The following NR2E1 variants were observed in gnomAD, a reference collection of about 807,000 sequenced individuals.
NR2E1 encodes nuclear receptor TLX.
NR2E1 carries 5 observed loss-of-function variants against 43.6 expected under a neutral mutation model. The ratio of observed to expected loss-of-function variants is 0.11; its 90% CI spans 0.06 to 0.24. The LOEUF is 0.24. NR2E1 is among the 10% of genes least tolerant of loss of function. The pLI is 1.00. For synonymous variants in NR2E1, 191 were observed against 195.5 expected (o/e 0.98, Z 0.19); for missense variants, 287 against 496.7 (o/e 0.58, Z 4.01).
At chr6:108,171,127 C>T (rs938341138) in intron 1 of NR2E1, among the ~76,000 whole-genome samples, 7 of 152,112 alleles carry the variant, frequency 4.6e-5, no homozygotes, top group African/African-American at 1.7e-4. Flanking sequence ...GCCAAACTTT[C>T]CGCGGAGCAG....
chr6:108,167,569 G>A (rs1048528074), intron 1 of NR2E1, among the ~76,000 whole-genome samples: 1 of 152,086 alleles, frequency 6.6e-6, no homozygotes, highest in Non-Finnish European at 1.5e-5. Context: ...CTTGCACCCT[G>A]CCTGCGGAAC....
rs887514136 is a variant in NR2E1 at position 108,188,720 on chromosome 6, C to G, written c.*1257C>G. On this transcript the variant is annotated 3_prime_UTR_variant, in exon 9 of 9. Coordinates refer to ENST00000368986, the MANE Select transcript of NR2E1 (RefSeq NM_003269.5). ...CTATCATAGGATGAGTAAAACTTTT[C>G]TTGTACAAAGTGAATTAACTGATTT... 1 of 152,152 alleles carries G rather than the reference C, an allele frequency of 6.6e-6. No homozygotes were observed. The highest frequency in any genetic ancestry group is 6.5e-5 in the Admixed American group (1 of 15,278). The allele number at this position is 152,152 out of a possible 1,614,324, so 9.4% of individuals were successfully genotyped here. A position where few individuals can be genotyped will look rare whatever the true frequency, so the allele number is the denominator to read the frequency against.
intron 4 of NR2E1, among the ~76,000 whole-genome samples, chr6:108,177,160 G>A (rs1773913451): frequency 6.6e-6 from 1 of 152,216 alleles, no homozygotes; most frequent in Non-Finnish European, 1.5e-5. Context: ...ATTGGCTACA[G>A]CTGGAGGAAG....
At chr6:108,181,132 G>T (rs562327688) in intron 7 of NR2E1, among the ~76,000 whole-genome samples, 176 bp downstream of exon 7, 3 of 152,170 alleles carry the variant, frequency 2.0e-5, no homozygotes, top group South Asian at 4.2e-4. Flanking sequence ...GTTCTGCTGG[G>T]CATCAACTTC....
chr6:108,176,147 C>T (rs1016815089), intron 3 of NR2E1: 7 of 284,670 alleles, frequency 2.5e-5, no homozygotes, highest in Non-Finnish European at 4.7e-5. Flanking sequence ...GGCGAGGATA[C>T]CTGGCTACTC....
At position 108,188,521 on chromosome 6, in the gene NR2E1, ACAC is replaced by A. The variant is rs1562408820; in HGVS notation, c.*1059_*1061del. The A allele has an allele frequency of 6.6e-6, 1 of 151,694 alleles. No homozygotes were observed. Among genetic ancestry groups the A allele is most frequent in the African/African-American group, 2.4e-5 (1 of 41,108 alleles). 9.4% of individuals were successfully genotyped at this position (151,694 alleles called of 1,614,324 possible). Reference sequence around the variant, plus strand: ...TGAATGAACACACACACACACACACACACACACACACACACACACACACACACA... The same window carrying A: ...TGAATGAACACACACACACACACACAACACACACACACACACACACACACA... On this transcript the variant is annotated 3_prime_UTR_variant, in exon 9 of 9. Coordinates refer to ENST00000368986, the MANE Select transcript of NR2E1 (RefSeq NM_003269.5).
In NR2E1 at chr6:108,166,076, C is replaced by T. The variant is rs1486014696; in HGVS notation, c.-690C>T. On this transcript the variant is annotated 5_prime_UTR_variant, in exon 1 of 9. Coordinates refer to ENST00000368986, the MANE Select transcript of NR2E1 (RefSeq NM_003269.5). The surrounding 1 kb of genome is among the most constrained non-coding windows in gnomAD (Gnocchi z 7.2). ...CGCTTCTGGAGATATTACAGGGGAC[C>T]CAGCCCGCAGCGACAGGCACAAAGT... The T allele has an allele frequency of 1.3e-5, 2 of 152,730 alleles. No homozygotes were observed. The highest frequency in any genetic ancestry group is 2.9e-5 in the Non-Finnish European group (2 of 68,088). The allele number at this position is 152,730 out of a possible 1,614,324, so 9.5% of individuals were successfully genotyped here.
At chr6:108,179,983 C>A (rs1040288143) in intron 5 of NR2E1, among the ~76,000 whole-genome samples, 1 of 152,008 alleles carries the variant, frequency 6.6e-6, no homozygotes, top group Non-Finnish European at 1.5e-5. Flanking sequence ...GAGGGGAATC[C>A]ACCTGCTGAG....
intron 1 of NR2E1, among the ~76,000 whole-genome samples, chr6:108,170,898 C>T (rs1397017477): frequency 6.6e-6 from 1 of 152,206 alleles, no homozygotes; most frequent in Non-Finnish European, 1.5e-5. Context: ...TACCACTACC[C>T]TTATTATCAT....
chr6:108,177,879 G>T (rs1038166410), intron 4 of NR2E1, among the ~76,000 whole-genome samples: 7 of 152,222 alleles, frequency 4.6e-5, no homozygotes, highest in Non-Finnish European at 8.8e-5. Context: ...CTCCCAAAGA[G>T]TGGAAATGGA....
chr6:108,168,037 C>T, intron 1 of NR2E1: 1 of 1,597,962 alleles, frequency 6.3e-7, no homozygotes, highest in Non-Finnish European at 8.5e-7. Context: ...ATGTTTCGAG[C>T]TGGGGCAGAG....
intron 8 of NR2E1, among the ~76,000 whole-genome samples, chr6:108,186,515 A>G: frequency 6.6e-6 from 1 of 152,106 alleles, no homozygotes; most frequent in East Asian, 1.9e-4. Flanking sequence ...TTCAGGTTTT[A>G]GGTGTTTCAT....
chr6:108,174,258 G>A (rs564385361), intron 2 of NR2E1, among the ~76,000 whole-genome samples: 1 of 152,312 alleles, frequency 6.6e-6, no homozygotes, highest in African/African-American at 2.4e-5. Context: ...TGAGGTAATA[G>A]GAGAGTGAAG....
intron 3 of NR2E1, 111 bp from the exon 4 acceptor site, chr6:108,176,392 C>A: frequency 3.0e-6 from 3 of 1,009,732 alleles, no homozygotes; most frequent in Non-Finnish European, 4.5e-6. Context: ...ACCTCTTGGG[C>A]GATTTTGCCC....
At chr6:108,181,484 C>T (rs985129769) in intron 7 of NR2E1, 62 bp from the exon 8 acceptor site, 21 of 1,384,328 alleles carry the variant, frequency 1.5e-5, no homozygotes, top group Non-Finnish European at 2.1e-5. Context: ...GTGAGCACTG[C>T]GCTCGGCTCC....
chr6:108,177,215 C>T (rs1285515766), intron 4 of NR2E1, among the ~76,000 whole-genome samples: 1 of 152,216 alleles, frequency 6.6e-6, no homozygotes, highest in Non-Finnish European at 1.5e-5. Flanking sequence ...TTGGGCAAAG[C>T]CATGAGTTTC....
chr6:108,183,345 T>TAAA (rs779267108), intron 8 of NR2E1, among the ~76,000 whole-genome samples: 1 of 138,898 alleles, frequency 7.2e-6, no homozygotes, highest in African/African-American at 2.6e-5. Flanking sequence ...CACCAAAAAT[T>TAAA]TAAAAAAAAA....
chr6:108,168,109 G>T (rs1335859027), intron 1 of NR2E1: 1 of 1,604,910 alleles, frequency 6.2e-7, no homozygotes, highest in South Asian at 1.1e-5. Flanking sequence ...CCAGGACTGG[G>T]TTTCCCTTTA....
Position 108,174,940 on chromosome 6 carries a change from T to A in NR2E1, c.259+17T>A. 1 of 1,608,028 alleles carries A rather than the reference T, an allele frequency of 6.2e-7. No individual in the cohort carries two copies. The highest frequency in any genetic ancestry group is 8.5e-7 in the Non-Finnish European group (1 of 1,174,524). On this transcript the variant is annotated intron_variant, in intron 3 of 8. Transcript: ENST00000368986. ...ACAAAGACGGTAATCAGTGCATCCC[T>A]TTATTCCAATGTTGATTGAGTAGTA...
Sources: allele counts gnomAD v4.1 joint callset (sites outside exome capture counted in the v4.1 genomes callset), GRCh38; gene constraint gnomAD v4.1.1; non-coding constraint Gnocchi (gnomAD v3.1); transcripts MANE v1.5; gene names NCBI Gene and HGNC (gene_info 2026-07-23, HGNC 2026-07-21).